PSD3: variants seen among roughly 807,000 people sequenced by gnomAD.
PSD3 encodes pleckstrin and Sec7 domain containing 3, also known as PH and SEC7 domain-containing protein 3.
A neutral mutation model predicts 105.5 loss-of-function variants in PSD3; 49 were observed. That is an observed-to-expected ratio of 0.46 (90% CI 0.37 to 0.59). The LOEUF (loss-of-function observed/expected upper bound fraction) is 0.59, where lower values mean the gene tolerates loss of function less well. PSD3 is among the 20% of genes least tolerant of loss of function. The pLI, the probability that PSD3 is intolerant of heterozygous loss-of-function variation, is 0.00. For synonymous variants in PSD3, 557 were observed against 457.8 expected (o/e 1.22, Z -2.77); for missense variants, 1,561 against 1,263.8 (o/e 1.24, Z -3.57).
At chr8:18,646,447 G>A (rs11987326) in intron 10 of PSD3, among the ~76,000 whole-genome samples, 9,874 of 152,060 alleles carry the variant, frequency 0.065, 391 homozygotes, top group African/African-American at 0.11. Flanking sequence ...ATAATTTTAT[G>A]TCAAGGTAAA....
intron 2 of PSD3, among the ~76,000 whole-genome samples, chr8:18,905,513 G>T (rs995555156): frequency 9.2e-5 from 14 of 152,126 alleles, no homozygotes; most frequent in African/African-American, 3.1e-4. Context: ...TAATAGACGG[G>T]GTTTCACCAT....
intron 4 of PSD3, among the ~76,000 whole-genome samples, chr8:18,844,676 G>T (rs1228572807): frequency 1.3e-5 from 2 of 152,158 alleles, no homozygotes; most frequent in Non-Finnish European, 2.9e-5. Context: ...TAAATAGGAT[G>T]GATTGCTTTC....
rs533210594 is a variant in PSD3 at position 19,050,773 on chromosome 8, A to C, written c.324+33433T>G. Among the ~76,000 whole-genome samples the C allele has an allele frequency of 2.0e-5, 3 of 152,314 alleles. No individual in the cohort carries two copies. The South Asian group carries it at 6.2e-4, about 32-fold the overall frequency. ...AATGGGTGCAGCACACCAGCATGGC[A>C]CATGTATACATATGTAACTAACCTG... On this transcript the variant is annotated intron_variant, in intron 1 of 1. Coordinates refer to the PSD3 transcript ENST00000521475.
intron 4 of PSD3, among the ~76,000 whole-genome samples, chr8:18,815,457 T>C (rs796175264): frequency 7.9e-5 from 12 of 152,172 alleles, no homozygotes; most frequent in African/African-American, 2.9e-4. Flanking sequence ...CACAGGCGCA[T>C]GCCCCCATGC....
At chr8:18,838,826 T>A (rs4997919) in intron 4 of PSD3, among the ~76,000 whole-genome samples, 1 of 135,810 alleles carries the variant, frequency 7.4e-6, no homozygotes, top group Non-Finnish European at 1.7e-5. Flanking sequence ...ATAATAATAA[T>A]AATAATAATA....
intron 2 of PSD3, among the ~76,000 whole-genome samples, chr8:18,933,912 C>T (rs769103106): frequency 3.9e-5 from 6 of 152,272 alleles, no homozygotes; most frequent in Non-Finnish European, 8.8e-5. Context: ...TAAATGGCTA[C>T]AATACATGTT....
intron 9 of PSD3, among the ~76,000 whole-genome samples, chr8:18,668,568 C>T (rs1799612114): frequency 6.6e-6 from 1 of 152,174 alleles, no homozygotes. Flanking sequence ...GTTAAGTAGG[C>T]TGCCAAGGTC....
chr8:18,567,496 A>T (rs999525653), intron 14 of PSD3, among the ~76,000 whole-genome samples: 1 of 152,136 alleles, frequency 6.6e-6, no homozygotes, highest in Non-Finnish European at 1.5e-5. Flanking sequence ...TTTTCTTTTA[A>T]AGTTGTAGTG....
chr8:18,724,597 G>T (rs569087650), intron 9 of PSD3, among the ~76,000 whole-genome samples: 172 of 152,086 alleles, frequency 1.1e-3, no homozygotes, highest in African/African-American at 4.0e-3. Context: ...GGGTGACAGA[G>T]TGAGACCCTG....
intron 11 of PSD3, among the ~76,000 whole-genome samples, chr8:18,608,283 C>T (rs772305425): frequency 6.6e-6 from 1 of 152,162 alleles, no homozygotes; most frequent in African/African-American, 2.4e-5. Flanking sequence ...AAGCACTGTT[C>T]CAGTCAGATT....
chr8:18,561,523 T>A (rs1339374915), intron 14 of PSD3, among the ~76,000 whole-genome samples: 1 of 152,146 alleles, frequency 6.6e-6, no homozygotes, highest in African/African-American at 2.4e-5. Flanking sequence ...ACAAGAGGAA[T>A]AAATTCTGTT....
chr8:18,821,861 AT>A (rs370238639), intron 4 of PSD3, among the ~76,000 whole-genome samples: 45,774 of 123,082 alleles, frequency 0.37, 7,740 homozygotes, highest in East Asian at 0.67. Context: ...ATGCACACAC[AT>A]GCACACACAC....
intron 9 of PSD3, among the ~76,000 whole-genome samples, chr8:18,660,827 C>T (rs892822383): frequency 6.6e-6 from 1 of 152,204 alleles, no homozygotes; most frequent in African/African-American, 2.4e-5. Context: ...CAATCACATA[C>T]CTCTCTCGAC....
chr8:18,703,987 AAAG>A (rs1214350942), intron 9 of PSD3, among the ~76,000 whole-genome samples: 6 of 152,222 alleles, frequency 3.9e-5, no homozygotes, highest in Non-Finnish European at 8.8e-5. Context: ...AAGGGAAAAA[AAAG>A]AAAAAAGGAA....
chr8:18,605,393 T>A (rs889826505), intron 11 of PSD3, among the ~76,000 whole-genome samples: 3 of 152,090 alleles, frequency 2.0e-5, no homozygotes, highest in African/African-American at 4.8e-5. Context: ...TTGGTCCATA[T>A]ATTCCTTTTG....
chr8:18,569,073 A>G (rs1285884845), intron 14 of PSD3, among the ~76,000 whole-genome samples: 2 of 130,962 alleles, frequency 1.5e-5, no homozygotes, highest in African/African-American at 5.5e-5. Flanking sequence ...TCCATGGTGT[A>G]TATGTGCCAC....
chr8:19,009,559 T>G (rs2129475224), intron 1 of PSD3, among the ~76,000 whole-genome samples: 1 of 152,258 alleles, frequency 6.6e-6, no homozygotes, highest in East Asian at 1.9e-4. Context: ...AAACGCCCCA[T>G]GCCAGGAAAA....
intron 9 of PSD3, among the ~76,000 whole-genome samples, chr8:18,702,323 G>C (rs1199786512): frequency 2.0e-5 from 3 of 152,152 alleles, no homozygotes; most frequent in African/African-American, 7.2e-5. Flanking sequence ...TATGTACATA[G>C]GTAACCTACT....
chr8:18,853,173 G>T (rs1242269990), intron 4 of PSD3, among the ~76,000 whole-genome samples: 1 of 152,006 alleles, frequency 6.6e-6, no homozygotes, highest in Non-Finnish European at 1.5e-5. Context: ...TGTCCAAACA[G>T]AAGAGGCAAA....
Sources: gnomAD v4.1 joint callset for allele counts (sites outside exome capture counted in the v4.1 genomes callset) on GRCh38, gnomAD v4.1.1 for gene constraint, MANE v1.5 for transcripts, NCBI Gene and HGNC (gene_info 2026-07-23, HGNC 2026-07-21) for gene names.